The following ZNF496 variants were observed in gnomAD, a reference collection of about 807,000 sequenced individuals.
The protein encoded by ZNF496 is NSD1 (nuclear receptor binding SET-domain containing 1)-interacting zinc finger protein 1.
A neutral mutation model predicts 58.9 loss-of-function variants in ZNF496; 11 were observed. The observed-to-expected ratio is 0.19, with a 90% confidence interval of 0.12 to 0.31. ZNF496 has a LOEUF of 0.31. Ranked by LOEUF, ZNF496 falls within the 10% of genes least tolerant of loss-of-function variation. The pLI is 1.00. For missense variants in ZNF496, 660 were observed against 783.0 expected, an observed-to-expected ratio of 0.84 and a Z score of 1.88; for synonymous variants, 338 against 318.2, an observed-to-expected ratio of 1.06 and a Z score of -0.66.
chr1:247,308,285 GCCC>G lies in ZNF496; in HGVS notation c.1006+187_1006+189del, dbSNP rs1008744239. Among the ~76,000 whole-genome samples the G allele has an allele frequency of 3.9e-5, 6 of 152,024 alleles. No homozygotes were observed. Among genetic ancestry groups the G allele is most frequent in the African/African-American group, 1.2e-4 (5 of 41,374 alleles). On this transcript the variant is annotated intron_variant, in intron 9 of 9. Transcript: ENST00000682384. The surrounding 1 kb of genome is among the most constrained non-coding windows in gnomAD (Gnocchi z 4.5). ...GCACATTTACATCACACACCCACAT[GCCC>G]CCAACACACAGGTGCACCCATGAAT...
intron 6 of ZNF496, chr1:247,312,051 A>T (rs1306844600): frequency 1.3e-5 from 2 of 152,134 alleles, no homozygotes; most frequent in South Asian, 4.1e-4. Flanking sequence ...CAAAACCTTT[A>T]TCTTCTCTCC....
intron 9 of ZNF496, among the ~76,000 whole-genome samples, chr1:247,306,822 C>A (rs1423411492): frequency 2.0e-5 from 3 of 152,160 alleles, no homozygotes; most frequent in Non-Finnish European, 4.4e-5. Flanking sequence ...CTTCACTCCA[C>A]CACCTACAGC....
intron 6 of ZNF496, chr1:247,311,364 CA>C (rs1659592526): frequency 6.6e-6 from 1 of 151,640 alleles, no homozygotes; most frequent in Non-Finnish European, 1.5e-5. Context: ...CATGCCACTG[CA>C]CTCCACCCTG....
At chr1:247,330,166 T>C (rs1323146078) in intron 2 of ZNF496, 85 bp from the exon 3 acceptor site, 1 of 152,326 alleles carries the variant, frequency 6.6e-6, no homozygotes, top group African/African-American at 2.4e-5. Context: ...AGAGGGCTGA[T>C]GGTGCTGCGT....
Position 247,307,782 on chromosome 1 carries a change from G to A in ZNF496, c.1006+693C>T, listed in dbSNP as rs530425609. On this transcript the variant is annotated intron_variant, in intron 9 of 9. Coordinates refer to ENST00000682384, the MANE Select transcript of ZNF496 (RefSeq NM_032752.3). ...TAGCTGCAGAAAACTACAATGACACGTGGGTTCAGGTAAGAATCAGAGGCT... is the reference window on the plus strand; with the variant it reads ...TAGCTGCAGAAAACTACAATGACACATGGGTTCAGGTAAGAATCAGAGGCT... The A allele has an allele frequency of 5.3e-5, 52 of 985,394 alleles. No individual in the cohort carries two copies. The East Asian group carries it at 1.9e-3, about 37-fold the overall frequency. 61.0% of individuals were successfully genotyped at this position (985,394 alleles called of 1,614,324 possible). A position where few individuals can be genotyped will look rare whatever the true frequency, so the allele number is the denominator to read the frequency against.
chr1:247,319,446 A>G (rs1659887080), intron 6 of ZNF496, among the ~76,000 whole-genome samples: 1 of 152,262 alleles, frequency 6.6e-6, no homozygotes, highest in Non-Finnish European at 1.5e-5. Flanking sequence ...ATGGAATTCT[A>G]CATGTTCAAG....
rs1046563259 is a variant in ZNF496, at chr1:247,308,421, C to T, written c.1006+54G>A. The T allele has an allele frequency of 2.7e-5, 41 of 1,505,058 alleles. No individual in the cohort carries two copies. Among genetic ancestry groups the T allele is most frequent in the Middle Eastern group, 1.7e-4 (1 of 5,824 alleles). 93.2% of individuals were successfully genotyped at this position (1,505,058 alleles called of 1,614,324 possible). On this transcript the variant is annotated intron_variant, in intron 9 of 9. Coordinates refer to ENST00000682384, the MANE Select transcript of ZNF496 (RefSeq NM_032752.3). This position sits in a 1 kb window ranked among gnomAD's most constrained non-coding sequence, Gnocchi z 4.5. ...CCACACATGCATACATACATTCATG[C>T]GACACACCACAGACACACAGGGACA...
At chr1:247,320,913 G>A (rs1264011378) in intron 6 of ZNF496, among the ~76,000 whole-genome samples, 1 of 152,150 alleles carries the variant, frequency 6.6e-6, no homozygotes, top group African/African-American at 2.4e-5. Flanking sequence ...GGTGGCTCAC[G>A]CCTGTAATCC....
intron 5 of ZNF496, among the ~76,000 whole-genome samples, chr1:247,326,994 C>T (rs1214041769): frequency 1.3e-5 from 2 of 152,042 alleles, no homozygotes; most frequent in African/African-American, 2.4e-5. Flanking sequence ...CTTTCAGGGC[C>T]GGATATTCAT....
chr1:247,310,061 G>A (rs1476214908), intron 7 of ZNF496: 3 of 1,428,666 alleles, frequency 2.1e-6, no homozygotes, highest in East Asian at 5.0e-5. Flanking sequence ...AAGAACGATG[G>A]AAGAGAAATG....
Position 247,322,824 on chromosome 1 carries a change from G to A in ZNF496, c.651+330C>T, listed in dbSNP as rs1400526599. The A allele has an allele frequency of 3.1e-6, 4 of 1,303,092 alleles. No homozygotes were observed. In the East Asian group the frequency reaches 1.4e-4, roughly 45 times the overall value. 80.7% of individuals were successfully genotyped at this position (1,303,092 alleles called of 1,614,324 possible). A position where few individuals can be genotyped will look rare whatever the true frequency, so the allele number is the denominator to read the frequency against. On this transcript the variant is annotated intron_variant, in intron 6 of 9. Transcript: ENST00000682384. The stretch of plus-strand genomic sequence containing the variant: ...AAATTCTCTGTAAAATAAAAGAGCA[G>A]AGAGATCTCCTTTTTCACAAGAGGG...
intron 6 of ZNF496, chr1:247,312,838 C>T (rs558832365): frequency 4.6e-5 from 7 of 152,270 alleles, no homozygotes; most frequent in South Asian, 2.1e-4. Flanking sequence ...CTACCCATTA[C>T]CCGGTTCCCA....
rs1029290259 is a variant in ZNF496, at chr1:247,300,198, C to T, written c.*321G>A. ...GGTGCCGCCCTGACGGGGGATAGCC[C>T]AGTTTTACTCCCCGAGCTTGGGGAG... is the stretch of plus-strand genomic sequence containing the variant. On this transcript the variant is annotated 3_prime_UTR_variant, in exon 10 of 10. Coordinates refer to ENST00000682384, the MANE Select transcript of ZNF496 (RefSeq NM_032752.3). The surrounding 1 kb of genome is among the most constrained non-coding windows in gnomAD (Gnocchi z 5.7). 8.5e-6 allele frequency: 2 copies of T among 235,576 alleles called. No homozygotes were observed. Among genetic ancestry groups the T allele is most frequent in the African/African-American group, 4.5e-5 (2 of 44,648 alleles). The allele number at this position is 235,576 out of a possible 1,614,324, so 14.6% of individuals were successfully genotyped here. A position where few individuals can be genotyped will look rare whatever the true frequency, so the allele number is the denominator to read the frequency against.
intron 5 of ZNF496, among the ~76,000 whole-genome samples, chr1:247,325,010 A>G (rs1660078990): frequency 6.6e-6 from 1 of 152,238 alleles, no homozygotes; most frequent in Admixed American, 6.5e-5. Flanking sequence ...CTGTTTCAAA[A>G]GGTACTCCTT....
At chr1:247,328,013 A>T (rs781189688) in intron 5 of ZNF496, among the ~76,000 whole-genome samples, 2 of 152,356 alleles carry the variant, frequency 1.3e-5, no homozygotes, top group Non-Finnish European at 2.9e-5. Flanking sequence ...AAACCCCAAA[A>T]AAGGTAATTA....
intron 9 of ZNF496, chr1:247,304,128 GATCT>G (rs1659331805): frequency 5.1e-6 from 2 of 388,820 alleles, no homozygotes; most frequent in South Asian, 3.9e-5. Flanking sequence ...CTGGCCGATA[GATCT>G]ATCTGGCTAT....
In ZNF496 at chr1:247,329,138, G is replaced by C. The variant is rs368082229; in HGVS notation, c.390+51C>G. The C allele has an allele frequency of 2.1e-4, 340 of 1,611,666 alleles. 2 individuals carry two copies. In the East Asian group the frequency reaches 5.8e-3, roughly 28 times the overall value. On this transcript the variant is annotated intron_variant, in intron 4 of 9. Coordinates refer to ENST00000682384, the MANE Select transcript of ZNF496 (RefSeq NM_032752.3). The surrounding 1 kb of genome is among the most constrained non-coding windows in gnomAD (Gnocchi z 5.5). ...CCAGCACATGCATGGCCCAGCCAAAGTGTCTAAGTACCAGATCTCTACCCG... is the reference window on the plus strand; with the variant it reads ...CCAGCACATGCATGGCCCAGCCAAACTGTCTAAGTACCAGATCTCTACCCG...
intron 5 of ZNF496, 145 bp from the exon 6 acceptor site, chr1:247,323,375 G>A (rs2103030089): frequency 1.7e-6 from 1 of 597,012 alleles, no homozygotes. Flanking sequence ...CTGTTTCATG[G>A]TGCTTTTCAT....
At chr1:247,321,513 G>A (rs540470324) in intron 6 of ZNF496, among the ~76,000 whole-genome samples, 2 of 152,156 alleles carry the variant, frequency 1.3e-5, no homozygotes, top group Admixed American at 6.5e-5. Context: ...AAAATTTTAC[G>A]CTATGTGTAT....
Sources: gnomAD v4.1 joint callset for allele counts (sites outside exome capture counted in the v4.1 genomes callset) on GRCh38, gnomAD v4.1.1 for gene constraint, Gnocchi (gnomAD v3.1) non-coding constraint, MANE v1.5 for transcripts, NCBI Gene and HGNC (gene_info 2026-07-23, HGNC 2026-07-21) for gene names.